The following CCNJ variants were observed in gnomAD, a reference collection of about 807,000 sequenced individuals.
CCNJ encodes the protein cyclin-J.
CCNJ carries 12 observed loss-of-function variants against 41.4 expected under a neutral mutation model. That is an observed-to-expected ratio of 0.29 (90% confidence interval 0.19 to 0.47). The LOEUF is 0.47. Ranked by LOEUF, CCNJ falls within the 20% of genes least tolerant of loss-of-function variation. The probability of loss-of-function intolerance (pLI) is 1.00; values close to 1 mark genes in which losing one functional copy is unlikely to be tolerated. For synonymous variants in CCNJ, 161 were observed against 173.4 expected, an observed-to-expected ratio of 0.93 and a Z score of 0.56; for missense variants, 340 against 464.6, an observed-to-expected ratio of 0.73 and a Z score of 2.47.
chr10:96,048,671 T>C (rs994323684), intron 2 of CCNJ, among the ~76,000 whole-genome samples: 13 of 152,222 alleles, frequency 8.5e-5, no homozygotes, highest in African/African-American at 2.9e-4. Flanking sequence ...AGGTAACTCA[T>C]TAAGTGGAAT....
rs201944303 is a variant in CCNJ, at chr10:96,057,192, C to G, written c.685C>G (p.Arg229Gly). Residue 229 changes from arginine (R) to glycine (G), a missense_variant, in exon 5 of 6, where the codon CGT becomes GGT. Around this residue, in one of 3 missense-constraint regions of CCNJ, gnomAD observed 137 missense variants for 252.9 expected, o/e 0.54. Transcript: ENST00000465148. ...LSPTWPTRLH[R>G]LTAYSWDFLV... The stretch of plus-strand genomic sequence containing the variant: ...TCCAACGTGGCCTACAAGACTACAT[C>G]GTCTTACTGCCTACTCTTGGGATTT... 1.9e-6 allele frequency: 3 copies of G among 1,613,460 alleles called. No homozygotes were observed. Among genetic ancestry groups the G allele is most frequent in the Non-Finnish European group, 2.5e-6 (3 of 1,179,486 alleles).
intron 3 of CCNJ, among the ~76,000 whole-genome samples, chr10:96,050,832 A>G (rs2080500526): frequency 6.6e-6 from 1 of 152,248 alleles, no homozygotes; most frequent in African/African-American, 2.4e-5. Flanking sequence ...AACCAGGAGC[A>G]GTTTTGTCCC....
chr10:96,043,273 A>G (rs1430341668), upstream of CCNJ: 2 of 248,374 alleles, frequency 8.1e-6, no homozygotes, highest in Admixed American at 1.1e-4. Flanking sequence ...GCAGTGATCC[A>G]CCTTACAATT....
intron 3 of CCNJ, among the ~76,000 whole-genome samples, chr10:96,053,850 A>G (rs546618056): frequency 3.3e-5 from 5 of 152,136 alleles, no homozygotes; most frequent in African/African-American, 1.2e-4. Context: ...ATTTTTTTCT[A>G]TGAATTACCT....
At chr10:96,053,637 C>T (rs2080594459) in intron 3 of CCNJ, among the ~76,000 whole-genome samples, 1 of 152,096 alleles carries the variant, frequency 6.6e-6, no homozygotes, top group African/African-American at 2.4e-5. Flanking sequence ...ATAATTTGCT[C>T]AAGATCTTAC....
At chr10:96,049,697 T>C (rs2080470411) in intron 2 of CCNJ, among the ~76,000 whole-genome samples, 1 of 152,094 alleles carries the variant, frequency 6.6e-6, no homozygotes. Flanking sequence ...TATAATATAG[T>C]CCTGAGATTG....
At chr10:96,043,446 G>A, upstream of CCNJ, 2 of 380,580 alleles carry the variant, frequency 5.3e-6, no homozygotes, top group Non-Finnish European at 9.3e-6. Flanking sequence ...GCCGCCTGGC[G>A]CTGCACCTGG....
In CCNJ at chr10:96,060,469, GCATA is replaced by G. The variant is rs1202693185; in HGVS notation, c.*2230_*2233del. ...AATAAAATAATTGATTACTATTGCT[GCATA>G]CCCGGGGTGGGATGGGGTGGTTGGA... is the stretch of plus-strand genomic sequence containing the variant. On this transcript the variant is annotated 3_prime_UTR_variant, in exon 6 of 6. Transcript: ENST00000465148. 6.6e-6 allele frequency: 1 copy of G among 152,576 alleles called. No homozygotes were observed. The highest frequency in any genetic ancestry group is 1.5e-5 in the Non-Finnish European group (1 of 68,022). 9.5% of individuals were successfully genotyped at this position (152,576 alleles called of 1,614,324 possible).
chr10:96,047,284 G>C (rs10732776), intron 2 of CCNJ, among the ~76,000 whole-genome samples: 109,082 of 152,050 alleles, frequency 0.72, 39,958 homozygotes, highest in African/African-American at 0.86. Context: ...TCCAAAGAAA[G>C]AGTTAAGGAG....
chr10:96,051,764 T>A (rs1325738755), intron 3 of CCNJ, among the ~76,000 whole-genome samples: 1 of 152,222 alleles, frequency 6.6e-6, no homozygotes, highest in Non-Finnish European at 1.5e-5. Flanking sequence ...CAGATTTTAT[T>A]TTCTGACCTT....
intron 3 of CCNJ, among the ~76,000 whole-genome samples, chr10:96,052,605 A>G (rs1331270050): frequency 1.3e-5 from 2 of 152,170 alleles, no homozygotes; most frequent in Non-Finnish European, 2.9e-5. Context: ...GGTCATGAAC[A>G]ATTTATTTTA....
At chr10:96,043,346 G>A, upstream of CCNJ, 1 of 334,588 alleles carries the variant, frequency 3.0e-6, no homozygotes, top group Non-Finnish European at 5.4e-6. Flanking sequence ...GGTGGCGGCT[G>A]AGCGCCCCGG....
chr10:96,051,146 T>C (rs1052759838), intron 3 of CCNJ, among the ~76,000 whole-genome samples: 1 of 152,376 alleles, frequency 6.6e-6, no homozygotes, highest in African/African-American at 2.4e-5. Flanking sequence ...CTTTTGCTTA[T>C]GCATTAGACC....
chr10:96,044,967 TAA>T (rs1233694341), intron 2 of CCNJ, among the ~76,000 whole-genome samples: 2 of 151,778 alleles, frequency 1.3e-5, no homozygotes, highest in Non-Finnish European at 2.9e-5. Flanking sequence ...TTGTGAAACT[TAA>T]GTTAGTACCG....
chr10:96,058,396 A>G lies in CCNJ; in HGVS notation c.*155A>G, dbSNP rs1169887425. ...GAAGACTGAATATCCTTTTTAATGC[A>G]CCATGAATCCTGGGAGACTAAGCAA... On this transcript the variant is annotated 3_prime_UTR_variant, in exon 6 of 6. Coordinates refer to ENST00000465148, the MANE Select transcript of CCNJ (RefSeq NM_001134375.2). 3 of 608,320 alleles carry G rather than the reference A, an allele frequency of 4.9e-6. No homozygotes were observed. The highest frequency in any genetic ancestry group is 6.0e-5 in the Admixed American group (2 of 33,208). 37.7% of individuals were successfully genotyped at this position (608,320 alleles called of 1,614,324 possible). A position where few individuals can be genotyped will look rare whatever the true frequency, so the allele number is the denominator to read the frequency against.
chr10:96,055,723 C>T (rs2142063673), intron 3 of CCNJ, among the ~76,000 whole-genome samples: 1 of 152,274 alleles, frequency 6.6e-6, no homozygotes, highest in East Asian at 1.9e-4. Context: ...TAATGTTCAG[C>T]CATCATATTG....
chr10:96,050,592 T>C (rs2080494208), intron 3 of CCNJ, 126 bp downstream of exon 3: 3 of 716,790 alleles, frequency 4.2e-6, no homozygotes, highest in Non-Finnish European at 4.6e-6. Flanking sequence ...TCAAGAAGCT[T>C]ATGTTAAAAG....
upstream of CCNJ, chr10:96,043,497 G>A (rs552921456): frequency 5.1e-5 from 20 of 390,524 alleles, no homozygotes; most frequent in South Asian, 1.4e-3. Context: ...GGGCGACCCC[G>A]CTGTATCGCG....
At position 96,058,783 on chromosome 10, in the gene CCNJ, A is replaced by C. The variant is rs1462019995; in HGVS notation, c.*542A>C. On this transcript the variant is annotated 3_prime_UTR_variant, in exon 6 of 6. Coordinates refer to ENST00000465148, the MANE Select transcript of CCNJ (RefSeq NM_001134375.2). ...TATGCTATACCAATCTGCAGTAAAA[A>C]AAATTTTTTTAGATGATTCTATATA... 3.2e-6 allele frequency: 1 copy of C among 313,040 alleles called. No homozygotes were observed. Among genetic ancestry groups the C allele is most frequent in the African/African-American group, 2.1e-5 (1 of 46,906 alleles). The allele number at this position is 313,040 out of a possible 1,614,324, so 19.4% of individuals were successfully genotyped here.
Sources: gnomAD v4.1 joint callset for allele counts (sites outside exome capture counted in the v4.1 genomes callset) on GRCh38, gnomAD v4.1.1 for gene constraint, gnomAD v4.1.1 regional missense constraint, MANE v1.5 for transcripts, NCBI Gene and HGNC (gene_info 2026-07-23, HGNC 2026-07-21) for gene names.